Variants in PTBP3 observed in about 807,000 individuals in gnomAD.
The protein encoded by PTBP3 is polypyrimidine tract binding protein 3.
A neutral mutation model predicts 58.7 loss-of-function variants in PTBP3; 20 were observed. The observed-to-expected ratio is 0.34, with a 90% CI of 0.24 to 0.50. The LOEUF is 0.50. Among genes scored for constraint, PTBP3 ranks in the 20% least tolerant of loss-of-function variants. The pLI, the probability that PTBP3 is intolerant of heterozygous loss-of-function variation, is 0.98. For missense variants in PTBP3, 509 were observed against 637.2 expected (o/e 0.80, Z 2.17); for synonymous variants, 185 against 219.8 (o/e 0.84, Z 1.40).
intron 5 of PTBP3, among the ~76,000 whole-genome samples, chr9:112,261,328 T>C (rs1836586200): frequency 6.6e-6 from 1 of 152,238 alleles, no homozygotes; most frequent in African/African-American, 2.4e-5. Flanking sequence ...CATGTTTTAA[T>C]ATATACATGC....
At chr9:112,345,626 C>A in the PTBP3 span, among the ~76,000 whole-genome samples, 1 of 151,840 alleles carries the variant, frequency 6.6e-6, no homozygotes, top group Non-Finnish European at 1.5e-5. Flanking sequence ...AGCGATCCAC[C>A]CACATTGGCC....
At chr9:112,320,603 G>A (rs913898999) in intron 1 of PTBP3, among the ~76,000 whole-genome samples, 5 of 150,808 alleles carry the variant, frequency 3.3e-5, no homozygotes, top group Non-Finnish European at 7.4e-5. Context: ...AATAGCCAAA[G>A]CAATTTTGAT....
At chr9:112,350,767 C>T in the PTBP3 span, among the ~76,000 whole-genome samples, 1 of 152,140 alleles carries the variant, frequency 6.6e-6, no homozygotes, top group East Asian at 1.9e-4. Flanking sequence ...CAGAGTCTCT[C>T]ATGAGGTTGC....
chr9:112,327,599 GA>G (rs1327909824), intron 1 of PTBP3, among the ~76,000 whole-genome samples: 5 of 152,196 alleles, frequency 3.3e-5, no homozygotes, highest in Admixed American at 3.3e-4. Flanking sequence ...AATTTTTCAT[GA>G]AAGTAGTATT....
chr9:112,299,144 C>T (rs996624383), intron 1 of PTBP3, among the ~76,000 whole-genome samples: 3 of 152,094 alleles, frequency 2.0e-5, no homozygotes, highest in African/African-American at 4.8e-5. Flanking sequence ...TTAAAACATA[C>T]ACAACATGAT....
chr9:112,333,654 A>C (rs186870273), upstream of PTBP3: 5 of 584,478 alleles, frequency 8.6e-6, no homozygotes, highest in Admixed American at 7.9e-5. Flanking sequence ...CGCTCCCGCC[A>C]CCGCCGCGCC....
At chr9:112,252,547 T>G (rs761764449) in intron 6 of PTBP3, 131 bp downstream of exon 6, 4 of 691,904 alleles carry the variant, frequency 5.8e-6, no homozygotes, top group Non-Finnish European at 9.9e-6. Flanking sequence ...TCATACACTT[T>G]AAAACGACTA....
chr9:112,286,464 T>A (rs1828120584), intron 2 of PTBP3, among the ~76,000 whole-genome samples: 2 of 152,326 alleles, frequency 1.3e-5, no homozygotes, highest in Admixed American at 1.3e-4. Context: ...TACTTTTTTT[T>A]AAGTGACTCC....
At chr9:112,370,040 G>T in the PTBP3 span, among the ~76,000 whole-genome samples, 1 of 152,112 alleles carries the variant, frequency 6.6e-6, no homozygotes, top group Non-Finnish European at 1.5e-5. Context: ...TGATTGAGAG[G>T]CCTCCCTAGC....
the PTBP3 span, among the ~76,000 whole-genome samples, chr9:112,375,123 G>A: frequency 3.3e-5 from 5 of 152,136 alleles, no homozygotes; most frequent in Non-Finnish European, 7.4e-5. Flanking sequence ...TCCACAGAAC[G>A]AGTCATCCTA....
intron 3 of PTBP3, among the ~76,000 whole-genome samples, chr9:112,271,386 T>C (rs1035551971): frequency 2.8e-4 from 42 of 152,180 alleles, no homozygotes; most frequent in African/African-American, 9.4e-4. Context: ...AAGTTTCAGA[T>C]TTAGAGCACC....
chr9:112,303,271 T>G (rs574996576), intron 1 of PTBP3, among the ~76,000 whole-genome samples: 4 of 152,334 alleles, frequency 2.6e-5, no homozygotes, highest in Non-Finnish European at 5.9e-5. Context: ...ACCACATCCT[T>G]GAGAATTTTT....
intron 10 of PTBP3, among the ~76,000 whole-genome samples, chr9:112,230,039 G>A (rs1250398151): frequency 3.9e-5 from 6 of 152,078 alleles, no homozygotes; most frequent in East Asian, 1.9e-4. Context: ...TCTCTCGGGC[G>A]TTGAAAATTT....
chr9:112,332,914 G>T, intron 1 of PTBP3: 1 of 1,567,920 alleles, frequency 6.4e-7, no homozygotes, highest in Non-Finnish European at 8.7e-7. Flanking sequence ...GGGAGACCTC[G>T]GCCAAGTCCC....
chr9:112,292,146 G>A (rs1354652501), intron 2 of PTBP3, among the ~76,000 whole-genome samples: 2 of 152,086 alleles, frequency 1.3e-5, no homozygotes, highest in Non-Finnish European at 2.9e-5. Flanking sequence ...CTCTGAAGAA[G>A]ATATACGAAT....
In PTBP3 at chr9:112,275,935, A is replaced by T; in HGVS notation, c.113T>A (p.Ile38Asn). Reference protein sequence around the residue: ...SPSRVLHLRKIPCDVTEAEII... With the variant: ...SPSRVLHLRKNPCDVTEAEII... ...CTCTGCTTCGGTGACATCACATGGA[A>T]TTTTTCGAAGATGGAGAACACGGGA... is the stretch of plus-strand genomic sequence containing the variant. The change falls in exon 3 of 14, where the codon ATT becomes AAT. Residue 38 changes from isoleucine to asparagine, a missense_variant. Coordinates refer to ENST00000374257, the MANE Select transcript of PTBP3 (RefSeq NM_001163788.4). 2 of 1,613,692 alleles carry T rather than the reference A, an allele frequency of 1.2e-6. No homozygotes were observed. The highest frequency in any genetic ancestry group is 1.7e-6 in the Non-Finnish European group (2 of 1,179,656).
rs948845288 is a variant in PTBP3 at position 112,266,705 on chromosome 9, C to T, written c.351+1344G>A. On this transcript the variant is annotated intron_variant, in intron 4 of 13. Coordinates refer to ENST00000374257, the MANE Select transcript of PTBP3 (RefSeq NM_001163788.4). ...TAATAAACCCATGTCCATAACATTACACAAAAAAAGATTTCAAAACATTTT... is the reference window on the plus strand; with the variant it reads ...TAATAAACCCATGTCCATAACATTATACAAAAAAAGATTTCAAAACATTTT... Among the ~76,000 whole-genome samples the T allele has an allele frequency of 2.6e-5, 4 of 152,048 alleles. No homozygotes were observed. In the East Asian group the frequency reaches 7.7e-4, roughly 29 times the overall value.
At chr9:112,332,181 ATTT>A (rs1830402389) in intron 1 of PTBP3, among the ~76,000 whole-genome samples, 1 of 152,350 alleles carries the variant, frequency 6.6e-6, no homozygotes, top group African/African-American at 2.4e-5. Flanking sequence ...AAAAGTTATA[ATTT>A]TAAGAAATTT....
intron 2 of PTBP3, among the ~76,000 whole-genome samples, chr9:112,296,652 G>A (rs566909596): frequency 2.0e-5 from 3 of 152,224 alleles, no homozygotes; most frequent in South Asian, 2.1e-4. Flanking sequence ...TTTCTTTCAT[G>A]ATGTTGAGAC....
Sources: gnomAD v4.1 joint callset for allele counts (sites outside exome capture counted in the v4.1 genomes callset) on GRCh38, gnomAD v4.1.1 for gene constraint, MANE v1.5 for transcripts, NCBI Gene and HGNC (gene_info 2026-07-23, HGNC 2026-07-21) for gene names.